GIPC3: variants seen among roughly 807,000 people sequenced by gnomAD.
The protein encoded by GIPC3 is PDZ domain-containing protein GIPC3.
In GIPC3, 16 loss-of-function variants were observed where a neutral mutation model predicts 27.3. The observed-to-expected ratio is 0.59, with a 90% CI of 0.40 to 0.89. The LOEUF (loss-of-function observed/expected upper bound fraction) is 0.89, where lower values mean the gene tolerates loss of function less well. GIPC3 is among the 40% of genes least tolerant of loss of function. GIPC3 has a pLI of 0.00. For missense variants in GIPC3, 440 were observed against 442.1 expected (o/e 1.00, Z 0.04); for synonymous variants, 194 against 184.6 (o/e 1.05, Z -0.41).
chr19:3,589,183 G>C (rs2032433577), intron 3 of GIPC3, among the ~76,000 whole-genome samples: 1 of 152,194 alleles, frequency 6.6e-6, no homozygotes, highest in East Asian at 1.9e-4. Flanking sequence ...CGCTAGAAGA[G>C]GGAGAGTGAG....
chr19:3,586,073 T>G (rs894166040), intron 1 of GIPC3, among the ~76,000 whole-genome samples: 5 of 152,138 alleles, frequency 3.3e-5, no homozygotes, highest in African/African-American at 1.2e-4. Flanking sequence ...CAGAAAATCC[T>G]CTGCGCAGAC....
chr19:3,591,352 T>TTA lies in GIPC3; in HGVS notation c.*1163_*1164dup. On this transcript the variant is annotated 3_prime_UTR_variant, in exon 6 of 6. Coordinates refer to ENST00000644452, the MANE Select transcript of GIPC3 (RefSeq NM_133261.3). ...CCAAACTCTGGAACCCAGACACATT[T>TTA]TAAGACCCAGACCAGCTTGGAGACC... 1 of 1,231,930 alleles carries TTA rather than the reference T, an allele frequency of 8.1e-7. No homozygotes were observed. The highest frequency in any genetic ancestry group is 1.0e-6 in the Non-Finnish European group (1 of 988,108). The allele number at this position is 1,231,930 out of a possible 1,614,324, so 76.3% of individuals were successfully genotyped here.
intron 1 of GIPC3, 27 bp from the exon 2 acceptor site, chr19:3,586,468 A>C: frequency 6.2e-7 from 1 of 1,609,386 alleles, no homozygotes; most frequent in Non-Finnish European, 8.5e-7. Flanking sequence ...GCCCTGGCTA[A>C]CTCTAGGCTC....
intron 1 of GIPC3, 70 bp from the exon 2 acceptor site, chr19:3,586,425 G>A: frequency 7.1e-7 from 1 of 1,408,128 alleles, no homozygotes; most frequent in Admixed American, 1.8e-5. Context: ...GCAGGGGCCT[G>A]CGCAGACAGG....
At position 3,585,780 on chromosome 19, in the gene GIPC3, G is replaced by A. The variant is rs1186780181; in HGVS notation, c.183G>A (p.Leu61=). The change falls in exon 1 of 6, where the codon CTG becomes CTA. Residue 61 remains leucine (L), a synonymous_variant. Coordinates refer to ENST00000644452, the MANE Select transcript of GIPC3 (RefSeq NM_133261.3). Reference sequence around the variant, plus strand: ...AGGGCTTCACCAACGTCCGCGAGCTGTACGCCAAGATCGCCGAAGCCTTCG... The same window carrying A: ...AGGGCTTCACCAACGTCCGCGAGCTATACGCCAAGATCGCCGAAGCCTTCG... ...KIEGFTNVRE[L]YAKIAEAFGI... 1 of 1,548,172 alleles carries A rather than the reference G, an allele frequency of 6.5e-7. No homozygotes were observed. The highest frequency in any genetic ancestry group is 1.2e-5 in the South Asian group (1 of 83,978).
In GIPC3 at chr19:3,590,861, G is replaced by A. The variant is rs1002290272; in HGVS notation, c.*671G>A. ...CCATGCCCAGCTCTAGAACTCAGAT[G>A]GGCTCCGAGACCAAGCCCAGCTCTA... is the stretch of plus-strand genomic sequence containing the variant. On this transcript the variant is annotated 3_prime_UTR_variant, in exon 6 of 6. Coordinates refer to ENST00000644452, the MANE Select transcript of GIPC3 (RefSeq NM_133261.3). 4 of 1,230,228 alleles carry A rather than the reference G, an allele frequency of 3.3e-6. No individual in the cohort carries two copies. In the African/African-American group the frequency reaches 6.4e-5, roughly 20 times the overall value. The allele number at this position is 1,230,228 out of a possible 1,614,324, so 76.2% of individuals were successfully genotyped here. A position where few individuals can be genotyped will look rare whatever the true frequency, so the allele number is the denominator to read the frequency against.
intron 5 of GIPC3, 58 bp from the exon 6 acceptor site, chr19:3,589,981 G>A (rs2032452417): frequency 9.3e-6 from 15 of 1,613,340 alleles, no homozygotes; most frequent in Non-Finnish European, 1.3e-5. Flanking sequence ...AGGGGTCCCA[G>A]CGGGAAGTTG....
chr19:3,586,623 A>G lies in GIPC3; in HGVS notation c.354A>G (p.Thr118=). 3 of 1,601,842 alleles carry G rather than the reference A, an allele frequency of 1.9e-6. No homozygotes were observed. The highest frequency in any genetic ancestry group is 2.6e-6 in the Non-Finnish European group (3 of 1,173,142). ...CCAAGGAGGTGGAGGTCACTAAGAC[A>G]GAGGATGCTCTGGGGCTGACCATCA... ...GETKEVEVTK[T]EDALGLTITD... is the part of the protein sequence containing the mutation. The change falls in exon 2 of 6, where the codon ACA becomes ACG. Residue 118 remains threonine, a synonymous_variant. Coordinates refer to ENST00000644452, the MANE Select transcript of GIPC3 (RefSeq NM_133261.3).
intron 3 of GIPC3, among the ~76,000 whole-genome samples, chr19:3,588,474 G>A (rs1490153657): frequency 1.3e-5 from 2 of 152,038 alleles, no homozygotes; most frequent in Non-Finnish European, 2.9e-5. Flanking sequence ...GTCCCAGGGA[G>A]AGTGAGCTGT....
rs920793585 is a variant in GIPC3 at position 3,593,045 on chromosome 19, A to G, written c.*2855A>G. The G allele has an allele frequency of 3.3e-6, 4 of 1,227,904 alleles. No homozygotes were observed. In the African/African-American group the frequency reaches 6.4e-5, roughly 20 times the overall value. The allele number at this position is 1,227,904 out of a possible 1,614,324, so 76.1% of individuals were successfully genotyped here. On this transcript the variant is annotated 3_prime_UTR_variant, in exon 6 of 6. Coordinates refer to ENST00000644452, the MANE Select transcript of GIPC3 (RefSeq NM_133261.3). ...CCAGCCTTGGCCCCATCCCAGGCTT[A>G]CCCCAAGCCTCCTACCTGGCCCCAC...
chr19:3,592,736 C>T lies in GIPC3; in HGVS notation c.*2546C>T, dbSNP rs35522803. 91,358 of 1,231,450 alleles carry T rather than the reference C, an allele frequency of 0.074. 3,542 individuals carry two copies. Among genetic ancestry groups the T allele is most frequent in the African/African-American group, 0.13 (8,268 of 64,324 alleles). 76.3% of individuals were successfully genotyped at this position (1,231,450 alleles called of 1,614,324 possible). On this transcript the variant is annotated 3_prime_UTR_variant, in exon 6 of 6. Coordinates refer to ENST00000644452, the MANE Select transcript of GIPC3 (RefSeq NM_133261.3). ...GGCTCAGCTCTGAAACCCAGACCGG[C>T]TCAAGAATTCAGCCCAGCCCTGGAG...
At position 3,591,386 on chromosome 19, in the gene GIPC3, T is replaced by C. The variant is rs974335510; in HGVS notation, c.*1196T>C. 2.4e-6 allele frequency: 3 copies of C among 1,231,808 alleles called. No homozygotes were observed. The highest frequency in any genetic ancestry group is 4.2e-5 in the Admixed American group (1 of 23,654). 76.3% of individuals were successfully genotyped at this position (1,231,808 alleles called of 1,614,324 possible). ...AGACCAGCTTGGAGACCAATCCCAGTTCCAGAATCCAGGCTAGCTCGGAGA... is the reference window on the plus strand; with the variant it reads ...AGACCAGCTTGGAGACCAATCCCAGCTCCAGAATCCAGGCTAGCTCGGAGA... On this transcript the variant is annotated 3_prime_UTR_variant, in exon 6 of 6. Transcript: ENST00000644452.
At position 3,592,748 on chromosome 19, in the gene GIPC3, G is replaced by C. The variant is rs1420944259; in HGVS notation, c.*2558G>C. 1 of 1,231,774 alleles carries C rather than the reference G, an allele frequency of 8.1e-7. No homozygotes were observed. Among genetic ancestry groups the C allele is most frequent in the African/African-American group, 1.6e-5 (1 of 64,382 alleles). 76.3% of individuals were successfully genotyped at this position (1,231,774 alleles called of 1,614,324 possible). A position where few individuals can be genotyped will look rare whatever the true frequency, so the allele number is the denominator to read the frequency against. On this transcript the variant is annotated 3_prime_UTR_variant, in exon 6 of 6. Coordinates refer to ENST00000644452, the MANE Select transcript of GIPC3 (RefSeq NM_133261.3). ...AAACCCAGACCGGCTCAAGAATTCA[G>C]CCCAGCCCTGGAGCCCACCTTAGTT...
intron 5 of GIPC3, 32 bp downstream of exon 5, chr19:3,589,944 G>A (rs374114426): frequency 6.2e-7 from 1 of 1,613,582 alleles, no homozygotes; most frequent in Non-Finnish European, 8.5e-7. Flanking sequence ...GGGGGCCCTG[G>A]GGGGAGGGAA....
chr19:3,593,325 G>A lies in GIPC3; in HGVS notation c.*3135G>A, dbSNP rs1008816581. On this transcript the variant is annotated 3_prime_UTR_variant, in exon 6 of 6. Transcript: ENST00000644452. Reference sequence around the variant, plus strand: ...CTTAGCCCTGGTTCATGTGGTTCTCGTCCTCTCCTGTCCCTTCCAGCCTGG... The same window carrying A: ...CTTAGCCCTGGTTCATGTGGTTCTCATCCTCTCCTGTCCCTTCCAGCCTGG... 52 of 1,232,000 alleles carry A rather than the reference G, an allele frequency of 4.2e-5. 1 individual carries two copies. The Middle Eastern group carries it at 1.2e-3, about 29-fold the overall frequency. The allele number at this position is 1,232,000 out of a possible 1,614,324, so 76.3% of individuals were successfully genotyped here.
At position 3,586,846 on chromosome 19, in the gene GIPC3, C is replaced by A; in HGVS notation, c.444C>A (p.Ile148=). ...AGGAAGGCAGTATCATCAACCGGATCGAGGCAGTGTGCGTGGGTGACAGCA... is the reference window on the plus strand; with the variant it reads ...AGGAAGGCAGTATCATCAACCGGATAGAGGCAGTGTGCGTGGGTGACAGCA... The part of the protein sequence containing the change: ...RIKEGSIINR[I]EAVCVGDSIE... The change falls in exon 3 of 6, where the codon ATC becomes ATA. Residue 148 remains isoleucine (I), a synonymous_variant. Coordinates refer to ENST00000644452, the MANE Select transcript of GIPC3 (RefSeq NM_133261.3). The A allele has an allele frequency of 5.0e-6, 8 of 1,613,622 alleles. No individual in the cohort carries two copies. Among genetic ancestry groups the A allele is most frequent in the Non-Finnish European group, 6.8e-6 (8 of 1,179,984 alleles).
intron 3 of GIPC3, 94 bp downstream of exon 3, chr19:3,587,088 T>G: frequency 8.3e-7 from 1 of 1,208,528 alleles, no homozygotes; most frequent in East Asian, 2.5e-5. Flanking sequence ...GCTGGAAGGT[T>G]CTAGGTGCAC....
In GIPC3 at chr19:3,592,660, C is replaced by T. The variant is rs1354788084; in HGVS notation, c.*2470C>T. 6 of 1,231,698 alleles carry T rather than the reference C, an allele frequency of 4.9e-6. No individual in the cohort carries two copies. 76.3% of individuals were successfully genotyped at this position (1,231,698 alleles called of 1,614,324 possible). A position where few individuals can be genotyped will look rare whatever the true frequency, so the allele number is the denominator to read the frequency against. On this transcript the variant is annotated 3_prime_UTR_variant, in exon 6 of 6. Coordinates refer to ENST00000644452, the MANE Select transcript of GIPC3 (RefSeq NM_133261.3). ...ACCCAGACCGGCTCAAGAATTCAGC[C>T]CGACTCTGGAGCCCAACTTAGTTCC...
chr19:3,588,502 G>T (rs944581784), intron 3 of GIPC3, among the ~76,000 whole-genome samples: 7 of 151,914 alleles, frequency 4.6e-5, no homozygotes, highest in African/African-American at 1.7e-4. Flanking sequence ...TCTAGAATCT[G>T]CCCTGCCGTG....
Sources: allele counts gnomAD v4.1 joint callset (sites outside exome capture counted in the v4.1 genomes callset), GRCh38; gene constraint gnomAD v4.1.1; transcripts MANE v1.5; gene names NCBI Gene and HGNC (gene_info 2026-07-23, HGNC 2026-07-21).